Variants in MINDY3 observed in about 807,000 individuals in gnomAD.
MINDY3 encodes the protein MINDY lysine 48 deubiquitinase 3, also known as ubiquitin carboxyl-terminal hydrolase MINDY-3.
In MINDY3, 38 loss-of-function variants were observed where a neutral mutation model predicts 69.2. The ratio of observed to expected loss-of-function variants is 0.55; its 90% CI spans 0.42 to 0.72. The LOEUF is 0.72. Among genes scored for constraint, MINDY3 ranks in the 30% least tolerant of loss-of-function variants. The pLI is 0.00. For synonymous variants in MINDY3, 192 were observed against 180.1 expected (o/e 1.07, Z -0.53); for missense variants, 522 against 519.0 (o/e 1.01, Z -0.06).
intron 11 of MINDY3, among the ~76,000 whole-genome samples, chr10:15,792,714 A>C (rs1374714978): frequency 6.6e-6 from 1 of 152,124 alleles, no homozygotes; most frequent in East Asian, 1.9e-4. Flanking sequence ...AAACAGCTTC[A>C]GATTTAAAAG....
chr10:15,858,471 T>A (rs761737498), intron 1 of MINDY3, among the ~76,000 whole-genome samples: 30 of 152,202 alleles, frequency 2.0e-4, no homozygotes, highest in Non-Finnish European at 3.7e-4. Context: ...TTTAAAATAA[T>A]ATAAAAACAG....
chr10:15,842,140 T>C (rs190715800), intron 3 of MINDY3, among the ~76,000 whole-genome samples: 9 of 151,926 alleles, frequency 5.9e-5, no homozygotes, highest in African/African-American at 1.4e-4. Context: ...CATTAGAATT[T>C]TATAGAAAAT....
At chr10:15,822,389 G>T (rs1588590582) in intron 8 of MINDY3, among the ~76,000 whole-genome samples, 1 of 152,144 alleles carries the variant, frequency 6.6e-6, no homozygotes, top group Admixed American at 6.6e-5. Flanking sequence ...GTTAGGGAAG[G>T]CTTATAAAAG....
intron 10 of MINDY3, among the ~76,000 whole-genome samples, chr10:15,816,274 A>G (rs1399966922): frequency 1.4e-5 from 2 of 141,286 alleles, no homozygotes; most frequent in African/African-American, 6.3e-5. Context: ...AAAAAAAAAA[A>G]AAAAAATGAA....
At chr10:15,799,006 G>A (rs1488996949) in intron 10 of MINDY3, among the ~76,000 whole-genome samples, 1 of 151,898 alleles carries the variant, frequency 6.6e-6, no homozygotes, top group African/African-American at 2.4e-5. Flanking sequence ...TTTCTGTAAT[G>A]GGCCACAGAG....
intron 2 of MINDY3, among the ~76,000 whole-genome samples, chr10:15,844,626 T>A (rs1163009299): frequency 6.6e-6 from 1 of 152,130 alleles, no homozygotes; most frequent in Non-Finnish European, 1.5e-5. Flanking sequence ...ATAAGCTCCT[T>A]TTTAAATACA....
Position 15,778,846 on chromosome 10 carries a change from T to A in MINDY3, c.*146A>T. 1 of 621,604 alleles carries A rather than the reference T, an allele frequency of 1.6e-6. No homozygotes were observed. The highest frequency in any genetic ancestry group is 3.1e-5 in the South Asian group (1 of 32,186). The allele number at this position is 621,604 out of a possible 1,614,324, so 38.5% of individuals were successfully genotyped here. On this transcript the variant is annotated 3_prime_UTR_variant, in exon 15 of 15. Coordinates refer to ENST00000277632, the MANE Select transcript of MINDY3 (RefSeq NM_024948.4). ...AGCTTTAGGACAAATAATTTAAACA[T>A]ATCATAAACACTGAAAATGTGTTTT... is the stretch of plus-strand genomic sequence containing the variant.
intron 12 of MINDY3, among the ~76,000 whole-genome samples, chr10:15,788,293 TA>T (rs1837132565): frequency 6.6e-6 from 1 of 152,184 alleles, no homozygotes; most frequent in African/African-American, 2.4e-5. Flanking sequence ...ATTCATTTAT[TA>T]ATATTTCTAA....
chr10:15,810,367 T>C (rs977557160), intron 10 of MINDY3, among the ~76,000 whole-genome samples: 3 of 152,190 alleles, frequency 2.0e-5, no homozygotes, highest in African/African-American at 7.2e-5. Flanking sequence ...AAAGTAAATT[T>C]TGAACATGTT....
chr10:15,826,804 C>A (rs1437748907), intron 8 of MINDY3, among the ~76,000 whole-genome samples: 1 of 152,072 alleles, frequency 6.6e-6, no homozygotes, highest in Non-Finnish European at 1.5e-5. Context: ...GGAGAACTGA[C>A]TGGAATTAGG....
At chr10:15,853,552 G>C (rs34429984) in intron 1 of MINDY3, among the ~76,000 whole-genome samples, 29 of 152,138 alleles carry the variant, frequency 1.9e-4, no homozygotes, top group Admixed American at 5.9e-4. Flanking sequence ...TACTGCTGCA[G>C]TCAAAATTAC....
At chr10:15,796,027 A>T (rs746473620) in intron 11 of MINDY3, 73 bp downstream of exon 11, 11 of 1,093,386 alleles carry the variant, frequency 1.0e-5, no homozygotes, top group Non-Finnish European at 1.5e-5. Context: ...CTTTTGAATA[A>T]AATCAGGTCG....
chr10:15,827,074 A>G (rs1347746185), intron 8 of MINDY3, among the ~76,000 whole-genome samples: 1 of 151,460 alleles, frequency 6.6e-6, no homozygotes, highest in Non-Finnish European at 1.5e-5. Context: ...CTATGACTGC[A>G]CTACTGCACT....
intron 2 of MINDY3, 70 bp from the exon 3 acceptor site, chr10:15,843,342 A>C: frequency 3.1e-6 from 4 of 1,276,280 alleles, no homozygotes. Flanking sequence ...TTCAATTTTA[A>C]AGTGGGAAAA....
Position 15,858,437 on chromosome 10 carries a change from G to A in MINDY3, c.94+1769C>T, listed in dbSNP as rs569466434. 2.0e-5 allele frequency among the ~76,000 whole-genome samples: 3 copies of A among 152,244 alleles called. No homozygotes were observed. In the East Asian group the frequency reaches 5.8e-4, roughly 29 times the overall value. ...CAGGAAAAAGCCAAAGAGTGAATTT[G>A]GCATAGTCTACAATTAAACACTTTT... is the stretch of plus-strand genomic sequence containing the variant. On this transcript the variant is annotated intron_variant, in intron 1 of 14. Transcript: ENST00000277632.
At chr10:15,838,338 C>T (rs1240398626) in intron 4 of MINDY3, 59 bp from the exon 5 acceptor site, 1 of 1,430,990 alleles carries the variant, frequency 7.0e-7, no homozygotes, top group East Asian at 2.5e-5. Context: ...ACAAGATACA[C>T]ACAGCAGGCT....
chr10:15,844,622 T>C (rs949716590), intron 2 of MINDY3, among the ~76,000 whole-genome samples: 1 of 152,146 alleles, frequency 6.6e-6, no homozygotes. Context: ...ACATATAAGC[T>C]CCTTTTTAAA....
chr10:15,802,827 T>A (rs1023330528), intron 10 of MINDY3, among the ~76,000 whole-genome samples: 1 of 151,730 alleles, frequency 6.6e-6, no homozygotes, highest in African/African-American at 2.4e-5. Context: ...AAAAAAATCA[T>A]GTTTTGCTCT....
At chr10:15,814,525 A>G (rs2131968822) in intron 10 of MINDY3, among the ~76,000 whole-genome samples, 1 of 150,442 alleles carries the variant, frequency 6.6e-6, no homozygotes, top group Middle Eastern at 3.4e-3. Context: ...GTCTCAAAAC[A>G]GTAACAATTA....
Sources: allele counts gnomAD v4.1 joint callset (sites outside exome capture counted in the v4.1 genomes callset), GRCh38; gene constraint gnomAD v4.1.1; transcripts MANE v1.5; gene names NCBI Gene and HGNC (gene_info 2026-07-23, HGNC 2026-07-21).